Variants in CCDC150 observed in about 807,000 individuals in gnomAD.
The protein encoded by CCDC150 is coiled-coil domain containing 150.
A neutral mutation model predicts 156.5 loss-of-function variants in CCDC150; 151 were observed. That is an observed-to-expected ratio of 0.97 (90% confidence interval 0.85 to 1.10). CCDC150 has a LOEUF of 1.10. CCDC150 is among the 50% of genes least tolerant of loss of function. CCDC150 has a pLI of 0.00. For missense variants in CCDC150, 1,312 were observed against 1,268.1 expected (o/e 1.03, Z -0.53); for synonymous variants, 452 against 429.4 (o/e 1.05, Z -0.65).
chr2:196,669,896 A>T lies in CCDC150; in HGVS notation c.936+20A>T. The T allele has an allele frequency of 6.3e-7, 1 of 1,594,548 alleles. No homozygotes were observed. ...AATAAGGTGAGTTTTGAAGTTGTGG[A>T]GTACAGAGGTGGTCTTTCCTCTCTT... is the stretch of plus-strand genomic sequence containing the variant. On this transcript the variant is annotated intron_variant, in intron 8 of 27. Transcript: ENST00000389175.
intron 1 of CCDC150, 79 bp downstream of exon 1, chr2:196,639,857 C>T (rs1575730611): frequency 1.6e-6 from 2 of 1,252,080 alleles, no homozygotes; most frequent in East Asian, 2.8e-5. Context: ...ACAGTCACCA[C>T]TCCCTGGCGC....
chr2:196,708,897 T>C (rs531796715), intron 15 of CCDC150, among the ~76,000 whole-genome samples: 1 of 152,356 alleles, frequency 6.6e-6, no homozygotes, highest in East Asian at 1.9e-4. Context: ...GGCTTTCCTT[T>C]GTGGGTAACC....
In CCDC150 at chr2:196,704,388, T is replaced by C. The variant is rs184775562; in HGVS notation, c.1695+3208T>C. ...CTTGCAAATAATAACAATGATGATA[T>C]GATGAATTTTTGTACCTGTCTCCTT... On this transcript the variant is annotated intron_variant, in intron 15 of 27. Transcript: ENST00000389175. 7.4e-4 allele frequency among the ~76,000 whole-genome samples: 112 copies of C among 152,306 alleles called. 1 individual carries two copies. Among genetic ancestry groups the C allele is most frequent in the Middle Eastern group, 3.4e-3 (1 of 294 alleles).
chr2:196,695,492 T>C (rs78238634), intron 14 of CCDC150, among the ~76,000 whole-genome samples: 3,974 of 152,278 alleles, frequency 0.026, 179 homozygotes, highest in African/African-American at 0.09. Context: ...ATAAGTCTGA[T>C]TTCTGAAAGC....
chr2:196,669,945 A>G (rs1390678324), intron 8 of CCDC150, 69 bp downstream of exon 8: 6 of 1,182,760 alleles, frequency 5.1e-6, no homozygotes, highest in African/African-American at 1.6e-5. Flanking sequence ...TTCCTCTTCC[A>G]TGTTGGCTTA....
intron 13 of CCDC150, among the ~76,000 whole-genome samples, chr2:196,687,498 A>T (rs992212656): frequency 6.6e-6 from 1 of 152,156 alleles, no homozygotes; most frequent in Non-Finnish European, 1.5e-5. Context: ...TTCCTTATAG[A>T]TGCTGGATAT....
chr2:196,721,575 T>A lies in CCDC150; in HGVS notation c.2313T>A (p.Leu771=), dbSNP rs1415485911. 1.2e-6 allele frequency: 2 copies of A among 1,608,534 alleles called. No individual in the cohort carries two copies. Among genetic ancestry groups the A allele is most frequent in the Admixed American group, 1.7e-5 (1 of 59,260 alleles). Residue 771 remains leucine (L), a synonymous_variant, in exon 21 of 28, where the codon CTT becomes CTA. Coordinates refer to ENST00000389175, the MANE Select transcript of CCDC150 (RefSeq NM_001080539.2). ...TAGCTAGAGAAGACAACAGGAAACT[T>A]GCTATGAGTCTGGAACAAGCTCTCC... ...LGVAREDNRK[L]AMSLEQALQT...
At chr2:196,690,761 G>A (rs1695413219) in intron 13 of CCDC150, among the ~76,000 whole-genome samples, 1 of 152,172 alleles carries the variant, frequency 6.6e-6, no homozygotes, top group Admixed American at 6.5e-5. Context: ...AGTAGTGAGA[G>A]AGGGCATGCT....
chr2:196,720,385 A>G (rs903226972), intron 19 of CCDC150, among the ~76,000 whole-genome samples, 190 bp from the exon 20 acceptor site: 1 of 152,236 alleles, frequency 6.6e-6, no homozygotes, highest in African/African-American at 2.4e-5. Flanking sequence ...TTATATGTAG[A>G]TGCAAAAATC....
intron 13 of CCDC150, among the ~76,000 whole-genome samples, chr2:196,683,721 T>C (rs745667312): frequency 8.5e-5 from 13 of 152,062 alleles, no homozygotes; most frequent in Non-Finnish European, 1.3e-4. Context: ...TTTTCTACCT[T>C]TATTTGAGTC....
At chr2:196,720,038 T>C in intron 19 of CCDC150, 3 of 324,670 alleles carry the variant, frequency 9.2e-6, no homozygotes, top group South Asian at 8.0e-5. Context: ...TTTGAATTAA[T>C]TATCCATTTA....
chr2:196,674,333 T>G lies in CCDC150; in HGVS notation c.1122T>G (p.His374Gln). ...TMEKARIIADHQAILQVEQKM... is the reference protein window; with the variant it reads ...TMEKARIIADQQAILQVEQKM... Reference sequence around the variant, plus strand: ...AAAAAGCCAGAATCATTGCTGACCATCAGGCCATTCTGCAGGTATTCGTTT... The same window carrying G: ...AAAAAGCCAGAATCATTGCTGACCAGCAGGCCATTCTGCAGGTATTCGTTT... Residue 374 changes from histidine (H) to glutamine (Q), a missense_variant, in exon 10 of 28, where the codon CAT becomes CAG. Coordinates refer to ENST00000389175, the MANE Select transcript of CCDC150 (RefSeq NM_001080539.2). The G allele has an allele frequency of 6.3e-7, 1 of 1,598,850 alleles. No homozygotes were observed.
At chr2:196,710,045 G>T (rs888113482) in intron 15 of CCDC150, among the ~76,000 whole-genome samples, 1 of 152,256 alleles carries the variant, frequency 6.6e-6, no homozygotes, top group South Asian at 2.1e-4. Flanking sequence ...TCTCTTCAGA[G>T]CTGTCAGACA....
intron 5 of CCDC150, among the ~76,000 whole-genome samples, chr2:196,660,131 T>G (rs977581522): frequency 2.6e-5 from 4 of 152,234 alleles, no homozygotes; most frequent in Non-Finnish European, 4.4e-5. Context: ...TCATGTTTTT[T>G]CATGGCTCAG....
At position 196,666,835 on chromosome 2, in the gene CCDC150, C is replaced by A; in HGVS notation, c.879C>A (p.Leu293=). 6.2e-7 allele frequency: 1 copy of A among 1,613,244 alleles called. No homozygotes were observed. Among genetic ancestry groups the A allele is most frequent in the South Asian group, 1.1e-5 (1 of 90,994 alleles). The change falls in exon 7 of 28, where the codon CTC becomes CTA. Residue 293 remains leucine, a synonymous_variant. Transcript: ENST00000389175. ...KEELEIATSQ[L]KSDLTSRDDL... is the part of the protein sequence containing the mutation. ...AGTTGGAGATTGCTACTTCACAGCT[C>A]AAATCTGATCTAAGTATGAAAATAG... is the stretch of plus-strand genomic sequence containing the variant.
Position 196,732,691 on chromosome 2 carries a change from C to T in CCDC150, c.*129C>T. 1 of 653,902 alleles carries T rather than the reference C, an allele frequency of 1.5e-6. No homozygotes were observed. The highest frequency in any genetic ancestry group is 2.7e-6 in the Non-Finnish European group (1 of 368,930). 40.5% of individuals were successfully genotyped at this position (653,902 alleles called of 1,614,324 possible). On this transcript the variant is annotated 3_prime_UTR_variant, in exon 28 of 28. Coordinates refer to ENST00000389175, the MANE Select transcript of CCDC150 (RefSeq NM_001080539.2). ...TTTGATGTGGGCTGAAGATTTTGGA[C>T]CTGAGTTTATCACTTTATGAACTCT...
chr2:196,704,611 T>C (rs998975572), intron 15 of CCDC150, among the ~76,000 whole-genome samples: 2 of 152,158 alleles, frequency 1.3e-5, no homozygotes, highest in African/African-American at 4.8e-5. Context: ...GCAGGTTTGT[T>C]ACATAGATAT....
At chr2:196,684,072 T>C (rs1216651779) in intron 13 of CCDC150, among the ~76,000 whole-genome samples, 2 of 152,080 alleles carry the variant, frequency 1.3e-5, no homozygotes, top group Non-Finnish European at 2.9e-5. Context: ...AAAAAAAAGC[T>C]TAGGTTATTG....
intron 17 of CCDC150, 70 bp downstream of exon 17, chr2:196,712,809 A>G: frequency 8.7e-7 from 1 of 1,146,426 alleles, no homozygotes; most frequent in Non-Finnish European, 1.3e-6. Flanking sequence ...CATAGTTCAC[A>G]TAATATTTTA....
Sources: allele counts gnomAD v4.1 joint callset (sites outside exome capture counted in the v4.1 genomes callset), GRCh38; gene constraint gnomAD v4.1.1; transcripts MANE v1.5; gene names NCBI Gene and HGNC (gene_info 2026-07-23, HGNC 2026-07-21).